Variants in AKT2 observed in about 807,000 individuals in gnomAD.
AKT2 encodes the protein RAC-beta serine/threonine-protein kinase.
A neutral mutation model predicts 58.6 loss-of-function variants in AKT2; 16 were observed. The observed-to-expected ratio is 0.27, with a 90% CI of 0.18 to 0.41. The LOEUF is 0.41. Among genes scored for constraint, AKT2 ranks in the 10% least tolerant of loss-of-function variants. The pLI is 1.00. For missense variants in AKT2, 438 were observed against 661.0 expected (o/e 0.66, Z 3.70); for synonymous variants, 253 against 254.0 (o/e 1.00, Z 0.04).
At chr19:40,239,089 G>C (rs1440421293) in intron 7 of AKT2, 116 bp from the exon 8 acceptor site, 1 of 1,088,808 alleles carries the variant, frequency 9.2e-7, no homozygotes, top group African/African-American at 1.6e-5. Flanking sequence ...CCCTGGCTGG[G>C]GCCCCCAGGA....
rs1973937208 is a variant in AKT2, at chr19:40,235,158, G to C, written c.1264-11C>G. 6.2e-7 allele frequency: 1 copy of C among 1,613,790 alleles called. No homozygotes were observed. ...GAAGGGTGGCAGGAGCTACGGAGGA[G>C]AGGAGCTCAGGCTCAGGGACCCTGA... On this transcript the variant is annotated splice_polypyrimidine_tract_variant and intron_variant, in intron 12 of 13. Coordinates refer to ENST00000392038, the MANE Select transcript of AKT2 (RefSeq NM_001626.6). This position sits in a 1 kb window ranked among gnomAD's most constrained non-coding sequence, Gnocchi z 6.3.
At chr19:40,277,042 T>TA (rs1200319458) in intron 1 of AKT2, among the ~76,000 whole-genome samples, 1 of 152,068 alleles carries the variant, frequency 6.6e-6, no homozygotes, top group Non-Finnish European at 1.5e-5. Context: ...ATGAAAAATT[T>TA]AAAAAGATGA....
intron 1 of AKT2, chr19:40,284,832 G>A (rs2077483961): frequency 5.1e-6 from 1 of 194,224 alleles, no homozygotes; most frequent in Admixed American, 6.1e-5. Context: ...CACTTGATGC[G>A]GCGCGCCCCC....
In AKT2 at chr19:40,242,940, A is replaced by G. The variant is rs1267068872; in HGVS notation, c.288-253T>C. ...GAGGCGGATGGATCACAAGGTCAGGAGTTCGAGACCAGCCTGGCCAACATG... is the reference window on the plus strand; with the variant it reads ...GAGGCGGATGGATCACAAGGTCAGGGGTTCGAGACCAGCCTGGCCAACATG... On this transcript the variant is annotated intron_variant, in intron 4 of 13. Transcript: ENST00000392038. This position sits in a 1 kb window ranked among gnomAD's most constrained non-coding sequence, Gnocchi z 4.3. 5 of 476,040 alleles carry G rather than the reference A, an allele frequency of 1.1e-5. No individual in the cohort carries two copies. Among genetic ancestry groups the G allele is most frequent in the Non-Finnish European group, 1.9e-5 (5 of 257,438 alleles). 29.5% of individuals were successfully genotyped at this position (476,040 alleles called of 1,614,324 possible). A position where few individuals can be genotyped will look rare whatever the true frequency, so the allele number is the denominator to read the frequency against.
At chr19:40,236,476 C>T in intron 9 of AKT2, 91 bp from the exon 10 acceptor site, 1 of 1,568,152 alleles carries the variant, frequency 6.4e-7, no homozygotes, top group Non-Finnish European at 8.7e-7. Flanking sequence ...CCCGGGGCTC[C>T]TGGACATCAA....
chr19:40,258,170 G>A (rs2145315019), intron 2 of AKT2, among the ~76,000 whole-genome samples: 1 of 147,698 alleles, frequency 6.8e-6, no homozygotes, highest in Non-Finnish European at 1.5e-5. Flanking sequence ...CTTGAACCTG[G>A]GAGGCAGAGG....
At chr19:40,264,537 C>T (rs1374603219) in intron 2 of AKT2, among the ~76,000 whole-genome samples, 4 of 152,124 alleles carry the variant, frequency 2.6e-5, no homozygotes, top group African/African-American at 9.7e-5. Context: ...CCCCAGCTCG[C>T]CCTAGCTCAC....
In AKT2 at chr19:40,241,946, T is replaced by C. The variant is rs2145202272; in HGVS notation, c.565A>G (p.Ile189Val). The C allele has an allele frequency of 1.2e-6, 2 of 1,614,010 alleles. No individual in the cohort carries two copies. The highest frequency in any genetic ancestry group is 1.7e-6 in the Non-Finnish European group (2 of 1,180,026). Residue 189 changes from isoleucine to valine, a missense_variant, in exon 6 of 14, where the codon ATT becomes GTT. Ile to Val is a conservative substitution (Grantham distance 29, BLOSUM62 3). Coordinates refer to ENST00000392038, the MANE Select transcript of AKT2 (RefSeq NM_001626.6). ...ATTCCCGGGGCACGCACCTTGGCAA[T>C]GATGACTTCCTTCCGCAGGATCTTC... is the stretch of plus-strand genomic sequence containing the variant. ...AMKILRKEVI[I>V]AKDEVAHTVT...
At chr19:40,236,426 G>A in intron 9 of AKT2, 41 bp from the exon 10 acceptor site, 6 of 1,613,388 alleles carry the variant, frequency 3.7e-6, no homozygotes, top group Non-Finnish European at 5.1e-6. Context: ...ATGCTCCCAA[G>A]GCTTCCTGCC....
At chr19:40,256,426 T>A (rs1975547735) in intron 3 of AKT2, among the ~76,000 whole-genome samples, 1 of 152,110 alleles carries the variant, frequency 6.6e-6, no homozygotes, top group South Asian at 2.1e-4. Context: ...GACCATATTC[T>A]CCAAGGCTCA....
At chr19:40,241,794 C>A in intron 6 of AKT2, 144 bp downstream of exon 6, 2 of 1,271,102 alleles carry the variant, frequency 1.6e-6, no homozygotes, top group Non-Finnish European at 2.2e-6. Flanking sequence ...GGGCCTCAGG[C>A]TCCCCCTTTT....
Position 40,242,377 on chromosome 19 carries a change from T to A in AKT2, c.441+157A>T. 1 of 1,215,440 alleles carries A rather than the reference T, an allele frequency of 8.2e-7. No homozygotes were observed. Among genetic ancestry groups the A allele is most frequent in the Middle Eastern group, 2.6e-4 (1 of 3,800 alleles). 75.3% of individuals were successfully genotyped at this position (1,215,440 alleles called of 1,614,324 possible). ...TCCCCTACGGGCATGGAGCACACCC[T>A]AGGGCACCTGCCACCTGAAATCACC... On this transcript the variant is annotated intron_variant, in intron 5 of 13. Coordinates refer to ENST00000392038, the MANE Select transcript of AKT2 (RefSeq NM_001626.6). The surrounding 1 kb of genome is among the most constrained non-coding windows in gnomAD (Gnocchi z 4.3).
chr19:40,264,556 A>G (rs907913517), intron 2 of AKT2, among the ~76,000 whole-genome samples: 5 of 152,044 alleles, frequency 3.3e-5, no homozygotes, highest in African/African-American at 4.8e-5. Context: ...ACACTGCTCC[A>G]GCCACGCTGT....
intron 1 of AKT2, chr19:40,279,501 G>A (rs1374292149): frequency 6.6e-6 from 1 of 152,342 alleles, no homozygotes; most frequent in Non-Finnish European, 1.5e-5. Context: ...GAGGCCCGGG[G>A]AGGGGTGACC....
At position 40,235,152 on chromosome 19, in the gene AKT2, G is replaced by T; in HGVS notation, c.1264-5C>A. 6.2e-7 allele frequency: 1 copy of T among 1,614,028 alleles called. No individual in the cohort carries two copies. On this transcript the variant is annotated splice_polypyrimidine_tract_variant and splice_region_variant and intron_variant, in intron 12 of 13. Coordinates refer to ENST00000392038, the MANE Select transcript of AKT2 (RefSeq NM_001626.6). The surrounding 1 kb of genome is among the most constrained non-coding windows in gnomAD (Gnocchi z 6.3). ...AGGTTTGAAGGGTGGCAGGAGCTAC[G>T]GAGGAGAGGAGCTCAGGCTCAGGGA...
In AKT2 at chr19:40,233,861, G is replaced by A; in HGVS notation, c.*11C>T. Reference sequence around the variant, plus strand: ...GGCAGCGAGCGTGCGTCCTCTGCGTGGGCAGACTGCTCACTCGCGGATGCT... The same window carrying A: ...GGCAGCGAGCGTGCGTCCTCTGCGTAGGCAGACTGCTCACTCGCGGATGCT... On this transcript the variant is annotated 3_prime_UTR_variant, in exon 14 of 14. Transcript: ENST00000392038. The surrounding 1 kb of genome is among the most constrained non-coding windows in gnomAD (Gnocchi z 4.3). The A allele has an allele frequency of 6.2e-7, 1 of 1,610,168 alleles. No homozygotes were observed. The highest frequency in any genetic ancestry group is 1.1e-5 in the South Asian group (1 of 91,060).
intron 2 of AKT2, 104 bp from the exon 3 acceptor site, chr19:40,257,158 C>T: frequency 1.4e-6 from 2 of 1,468,678 alleles, no homozygotes; most frequent in South Asian, 1.1e-5. Flanking sequence ...CAAGGGGTAC[C>T]ACGGGGCGGG....
chr19:40,256,907 C>T lies in AKT2; in HGVS notation c.175+19G>A, dbSNP rs1975578372. The T allele has an allele frequency of 1.2e-6, 2 of 1,613,932 alleles. No individual in the cohort carries two copies. Among genetic ancestry groups the T allele is most frequent in the East Asian group, 4.5e-5 (2 of 44,882 alleles). ...TCCTGTGAGCACCAGAACACTGACC[C>T]ACTCATCCCAAGACACACCTGCTAC... On this transcript the variant is annotated intron_variant, in intron 3 of 13. Coordinates refer to ENST00000392038, the MANE Select transcript of AKT2 (RefSeq NM_001626.6).
chr19:40,280,478 G>C (rs1407495889), intron 1 of AKT2, among the ~76,000 whole-genome samples: 1 of 152,168 alleles, frequency 6.6e-6, no homozygotes, highest in African/African-American at 2.4e-5. Flanking sequence ...ACGCCCCCAG[G>C]CAGGAGCCTG....
Sources: gnomAD v4.1 joint callset for allele counts (sites outside exome capture counted in the v4.1 genomes callset) on GRCh38, gnomAD v4.1.1 for gene constraint, Gnocchi (gnomAD v3.1) non-coding constraint, MANE v1.5 for transcripts, NCBI Gene and HGNC (gene_info 2026-07-23, HGNC 2026-07-21) for gene names.